FAM3B: variants seen among roughly 807,000 people sequenced by gnomAD.
FAM3B encodes the protein FAM3 metabolism regulating signaling molecule B.
Under a neutral mutation model 28.4 loss-of-function variants are expected in FAM3B, and 29 were observed. The ratio of observed to expected loss-of-function variants is 1.02; its 90% CI spans 0.76 to 1.39. The LOEUF (loss-of-function observed/expected upper bound fraction) is 1.39, where lower values mean the gene tolerates loss of function less well. Ranked by LOEUF, FAM3B falls within the 40% of genes most tolerant of loss-of-function variation. The pLI is 0.00. For synonymous variants in FAM3B, 91 were observed against 103.0 expected, an observed-to-expected ratio of 0.88 and a Z score of 0.71; for missense variants, 266 against 293.9, an observed-to-expected ratio of 0.91 and a Z score of 0.69.
chr21:41,345,820 T>C (rs1226730008), intron 5 of FAM3B, 84 bp downstream of exon 5: 3 of 923,318 alleles, frequency 3.2e-6, no homozygotes, highest in Non-Finnish European at 5.2e-6. Flanking sequence ...ATGTCAACCA[T>C]TTTTATTTTG....
Position 41,327,656 on chromosome 21 carries a change from A to G in FAM3B, c.163+4590A>G, listed in dbSNP as rs1456372707. On this transcript the variant is annotated intron_variant, in intron 2 of 7. Coordinates refer to ENST00000357985, the MANE Select transcript of FAM3B (RefSeq NM_058186.4). ...TCTTGTGATTAATTTCTAGTTTCATACCCTCATGGTGGGGATCTTCTCTTT... is the reference window on the plus strand; with the variant it reads ...TCTTGTGATTAATTTCTAGTTTCATGCCCTCATGGTGGGGATCTTCTCTTT... Among the ~76,000 whole-genome samples the G allele has an allele frequency of 1.3e-5, 2 of 152,200 alleles. 1 individual carries two copies. The highest frequency in any genetic ancestry group is 2.9e-5 in the Non-Finnish European group (2 of 68,028).
chr21:41,322,818 CCT>C lies in FAM3B; in HGVS notation c.20-104_20-103del, dbSNP rs756153721. 7 of 1,582,046 alleles carry C rather than the reference CCT, an allele frequency of 4.4e-6. No individual in the cohort carries two copies. In the East Asian group the frequency reaches 1.6e-4, roughly 36 times the overall value. On this transcript the variant is annotated intron_variant, in intron 1 of 7. Transcript: ENST00000357985. The stretch of plus-strand genomic sequence containing the variant: ...GAGCACAGTGCCTATAGCGCAGTCC[CCT>C]GACACTGGGCCGGGATGAAAAGCCA...
rs774307514 is a variant in FAM3B, at chr21:41,345,746, T to C, written c.397+10T>C. 8.0e-6 allele frequency: 12 copies of C among 1,501,420 alleles called. No individual in the cohort carries two copies. The highest frequency in any genetic ancestry group is 1.1e-5 in the Non-Finnish European group (12 of 1,086,450). The allele number at this position is 1,501,420 out of a possible 1,614,324, so 93.0% of individuals were successfully genotyped here. A position where few individuals can be genotyped will look rare whatever the true frequency, so the allele number is the denominator to read the frequency against. On this transcript the variant is annotated intron_variant, in intron 5 of 7. Coordinates refer to ENST00000357985, the MANE Select transcript of FAM3B (RefSeq NM_058186.4). ...GATATGTATGAAGGTGGTAAGAAAA[T>C]TTTTTCTGTTAAAATTCAAATGAAT...
chr21:41,354,229 A>C (rs2089145294), intron 7 of FAM3B, among the ~76,000 whole-genome samples: 1 of 152,234 alleles, frequency 6.6e-6, no homozygotes, highest in South Asian at 2.1e-4. Flanking sequence ...GACATGTGGC[A>C]ATTCCTCAGA....
At chr21:41,313,151 G>A (rs1418781042), upstream of FAM3B, among the ~76,000 whole-genome samples, 1 of 152,136 alleles carries the variant, frequency 6.6e-6, no homozygotes, top group Non-Finnish European at 1.5e-5. Context: ...ACCTTCAAAG[G>A]TCCAATCCCC....
At chr21:41,341,911 A>G (rs548094832) in intron 3 of FAM3B, among the ~76,000 whole-genome samples, 8 of 152,348 alleles carry the variant, frequency 5.3e-5, no homozygotes, top group African/African-American at 1.9e-4. Flanking sequence ...GGTTACACTT[A>G]TAGGTAAGTT....
chr21:41,341,797 G>A (rs1344944164), intron 3 of FAM3B, among the ~76,000 whole-genome samples: 2 of 152,176 alleles, frequency 1.3e-5, no homozygotes, highest in African/African-American at 4.8e-5. Context: ...GTCTCTTGGT[G>A]CACATGCACA....
chr21:41,314,389 C>T (rs1307345596), upstream of FAM3B, among the ~76,000 whole-genome samples: 3 of 152,190 alleles, frequency 2.0e-5, no homozygotes, highest in African/African-American at 7.2e-5. Flanking sequence ...CCTAAGGAGA[C>T]TAAGGCACCA....
intron 2 of FAM3B, 101 bp from the exon 3 acceptor site, chr21:41,338,277 G>A: frequency 7.0e-7 from 1 of 1,425,660 alleles, no homozygotes; most frequent in Non-Finnish European, 9.6e-7. Flanking sequence ...CCGCTGCTTG[G>A]AGTTTCTGGT....
intron 1 of FAM3B, among the ~76,000 whole-genome samples, chr21:41,304,748 G>A (rs182039942): frequency 4.6e-5 from 7 of 152,332 alleles, no homozygotes; most frequent in African/African-American, 1.7e-4. Context: ...CTGGGGATGG[G>A]ATCCTCCTGC....
intron 7 of FAM3B, among the ~76,000 whole-genome samples, chr21:41,354,129 A>G (rs1426101333): frequency 6.6e-6 from 1 of 152,236 alleles, no homozygotes; most frequent in Admixed American, 6.5e-5. Flanking sequence ...TTAAAAAGTC[A>G]AAAAATAACA....
At chr21:41,336,118 C>T (rs773316210) in intron 2 of FAM3B, among the ~76,000 whole-genome samples, 14 of 152,130 alleles carry the variant, frequency 9.2e-5, no homozygotes, top group Admixed American at 2.6e-4. Flanking sequence ...CATGTTTGCC[C>T]GTTTCCACCA....
At chr21:41,312,722 AGTGTGT>A (rs10580404), upstream of FAM3B, among the ~76,000 whole-genome samples, 23 of 148,300 alleles carry the variant, frequency 1.6e-4, no homozygotes, top group East Asian at 2.0e-4. Context: ...TGTGTGTGAG[AGTGTGT>A]GTGTGTGTGT....
upstream of FAM3B, among the ~76,000 whole-genome samples, chr21:41,313,084 G>A (rs2088725100): frequency 1.3e-5 from 2 of 152,182 alleles, no homozygotes; most frequent in Non-Finnish European, 2.9e-5. Flanking sequence ...GCTTCTCGAG[G>A]CCACTCTAGG....
At chr21:41,337,308 A>G (rs754263747) in intron 2 of FAM3B, among the ~76,000 whole-genome samples, 1 of 152,256 alleles carries the variant, frequency 6.6e-6, no homozygotes, top group East Asian at 1.9e-4. Flanking sequence ...TGTGGGTTCT[A>G]TGGGTGATGA....
chr21:41,348,869 C>G, intron 7 of FAM3B, 145 bp downstream of exon 7: 1 of 904,710 alleles, frequency 1.1e-6, no homozygotes, highest in Non-Finnish European at 1.7e-6. Flanking sequence ...TAGATCCGGA[C>G]AGAAGTTTCA....
intron 2 of FAM3B, among the ~76,000 whole-genome samples, chr21:41,337,990 T>C (rs1275075968): frequency 6.6e-6 from 1 of 151,878 alleles, no homozygotes; most frequent in Non-Finnish European, 1.5e-5. Flanking sequence ...AGAAGCTTTA[T>C]AGATGCTCCA....
At chr21:41,322,174 G>A (rs2088812614) in intron 1 of FAM3B, among the ~76,000 whole-genome samples, 1 of 151,576 alleles carries the variant, frequency 6.6e-6, no homozygotes, top group Non-Finnish European at 1.5e-5. Context: ...GGTTGCCAAT[G>A]AAAAGACAGA....
At position 41,340,152 on chromosome 21, in the gene FAM3B, C is replaced by CT. The variant is rs954999865; in HGVS notation, c.287+1671dup. Among the ~76,000 whole-genome samples the CT allele has an allele frequency of 8.4e-3, 1,069 of 127,124 alleles. 12 individuals carry two copies. Among genetic ancestry groups the CT allele is most frequent in the African/African-American group, 0.018 (618 of 34,622 alleles). The allele number at this position is 127,124 out of a possible 152,430, so 83.4% of individuals were successfully genotyped here. On this transcript the variant is annotated intron_variant, in intron 3 of 7. Transcript: ENST00000357985. ...AGAGGCAAAAGGGGACTGAAGTTGT[C>CT]TTTTTTTTTTTTTTTTTTTTGAGAC...
Sources: gnomAD v4.1 joint callset for allele counts (sites outside exome capture counted in the v4.1 genomes callset) on GRCh38, gnomAD v4.1.1 for gene constraint, MANE v1.5 for transcripts, NCBI Gene and HGNC (gene_info 2026-07-23, HGNC 2026-07-21) for gene names.